Variants in CHRDL1 observed in about 807,000 individuals in gnomAD.
CHRDL1 encodes chordin like 1.
A neutral mutation model predicts 40.9 loss-of-function variants in CHRDL1; 19 were observed. The observed-to-expected ratio is 0.46, with a 90% CI of 0.32 to 0.68. The LOEUF (loss-of-function observed/expected upper bound fraction) is 0.68. Among genes scored for constraint, CHRDL1 ranks in the 30% least tolerant of loss-of-function variants. The pLI, the probability that CHRDL1 is intolerant of heterozygous loss-of-function variation, is 0.03. For synonymous variants in CHRDL1, 136 were observed against 123.4 expected (o/e 1.10, Z -0.68); for missense variants, 329 against 352.1 (o/e 0.93, Z 0.53).
At position 110,688,780 on chromosome X, in the gene CHRDL1, A is replaced by C; in HGVS notation, c.802T>G (p.Tyr268Asp). ...GQVCVSNGKT[Y>D]SHGESWHPNL... is the part of the protein sequence containing the mutation. ...GGGTGCCAGGACTCGCCATGAGAATAGGTCTTTCCATTGGAAACACACACT... is the reference window on the plus strand; with the variant it reads ...GGGTGCCAGGACTCGCCATGAGAATCGGTCTTTCCATTGGAAACACACACT... The change falls in exon 9 of 12, where the codon TAT becomes GAT. Residue 268 changes from tyrosine to aspartate, a missense_variant. Transcript: ENST00000372042. 1 of 1,206,922 alleles carries C rather than the reference A, an allele frequency of 8.3e-7. No homozygotes were observed. The highest frequency in any genetic ancestry group is 1.1e-6 in the Non-Finnish European group (1 of 892,058).
chrX:110,795,239 G>A (rs1219055425), intron 1 of CHRDL1, among the ~76,000 whole-genome samples: 1 of 111,475 alleles, frequency 9.0e-6, no homozygotes, highest in Non-Finnish European at 1.9e-5. Context: ...ATACCACGTT[G>A]CTTCCAGAGC....
At chrX:110,689,524 C>A (rs761154116) in intron 8 of CHRDL1, among the ~76,000 whole-genome samples, 2 of 22,832 alleles carry the variant, frequency 8.8e-5, no homozygotes, top group Admixed American at 4.8e-4. Flanking sequence ...CTCTATATAT[C>A]TATCTATATA....
At chrX:110,748,026 A>C (rs1039066093) in intron 4 of CHRDL1, among the ~76,000 whole-genome samples, 2 of 111,638 alleles carry the variant, frequency 1.8e-5, no homozygotes, top group South Asian at 3.8e-4. Context: ...TTTGTGCCTA[A>C]GTTTTTTATA....
At chrX:110,704,488 C>T (rs1213568672) in intron 6 of CHRDL1, among the ~76,000 whole-genome samples, 1 of 111,084 alleles carries the variant, frequency 9.0e-6, no homozygotes, top group Non-Finnish European at 1.9e-5. Context: ...CAGGAAGCTG[C>T]TATAGTAATA....
At chrX:110,690,348 ACATATATATATATTCT>A (rs2070249596) in intron 8 of CHRDL1, among the ~76,000 whole-genome samples, 2 of 108,166 alleles carry the variant, frequency 1.8e-5, no homozygotes, top group African/African-American at 6.8e-5. Flanking sequence ...GCGCCCAGCC[ACATATATATATATTCT>A]CATATATATA....
chrX:110,713,074 G>C (rs935506124), intron 6 of CHRDL1, among the ~76,000 whole-genome samples: 15 of 110,956 alleles, frequency 1.4e-4, no homozygotes, highest in African/African-American at 4.6e-4. Flanking sequence ...CCTCACCCTG[G>C]AGTGCAGAGA....
chrX:110,757,523 T>C (rs892033955), intron 4 of CHRDL1, among the ~76,000 whole-genome samples: 6 of 111,740 alleles, frequency 5.4e-5, no homozygotes, highest in Admixed American at 9.5e-5. Flanking sequence ...TATAATTTCA[T>C]ACCCAGCCAA....
intron 4 of CHRDL1, among the ~76,000 whole-genome samples, chrX:110,758,451 CA>C (rs2089498287): frequency 9.0e-6 from 1 of 111,216 alleles, no homozygotes; most frequent in African/African-American, 3.3e-5. Flanking sequence ...CACCTGTGTT[CA>C]TTAGGGTGTA....
chrX:110,717,955 T>C (rs1367052232), intron 6 of CHRDL1, among the ~76,000 whole-genome samples: 1 of 111,969 alleles, frequency 8.9e-6, no homozygotes, highest in Non-Finnish European at 1.9e-5. Context: ...GTAATTCCAA[T>C]ATGCACCCAT....
At chrX:110,703,405 T>C (rs1394290467) in intron 6 of CHRDL1, among the ~76,000 whole-genome samples, 1 of 112,367 alleles carries the variant, frequency 8.9e-6, no homozygotes, top group African/African-American at 3.2e-5. Flanking sequence ...GTAAAGATTG[T>C]AGACTGCAAG....
intron 4 of CHRDL1, among the ~76,000 whole-genome samples, chrX:110,749,015 A>G (rs1240272698): frequency 9.0e-6 from 1 of 111,653 alleles, no homozygotes; most frequent in Non-Finnish European, 1.9e-5. Flanking sequence ...CAAAAAAGAG[A>G]ATGAAAATAA....
rs775820865 is a variant in CHRDL1 at position 110,710,010 on chromosome X, C to G, written c.542-9289G>C. Among the ~76,000 whole-genome samples, 3 of 111,100 alleles carry G rather than the reference C, an allele frequency of 2.7e-5. No individual in the cohort carries two copies. The East Asian group carries it at 8.5e-4, about 31-fold the overall frequency. ...GAGACTCTGTCTTAAAAAAAAAAATCCAAGTATCCAAATAAAGTAGAGTTC... is the reference window on the plus strand; with the variant it reads ...GAGACTCTGTCTTAAAAAAAAAAATGCAAGTATCCAAATAAAGTAGAGTTC... On this transcript the variant is annotated intron_variant, in intron 6 of 11. Coordinates refer to ENST00000372042, the MANE Select transcript of CHRDL1 (RefSeq NM_001143981.2).
intron 7 of CHRDL1, among the ~76,000 whole-genome samples, chrX:110,697,813 TCCACACACACACACACACAC>T (rs1424484236): frequency 3.2e-5 from 1 of 31,146 alleles, no homozygotes; most frequent in African/African-American, 8.7e-5. Flanking sequence ...ACCACACCAC[TCCACACACACACACACACAC>T]ACACACACAC....
intron 2 of CHRDL1, among the ~76,000 whole-genome samples, chrX:110,768,274 A>G (rs1325258266): frequency 8.9e-6 from 1 of 112,323 alleles, no homozygotes; most frequent in Non-Finnish European, 1.9e-5. Flanking sequence ...TAAGTGTTGC[A>G]GACGAAAAGA....
intron 2 of CHRDL1, among the ~76,000 whole-genome samples, chrX:110,784,947 C>G (rs755935877): frequency 1.8e-5 from 2 of 111,738 alleles, no homozygotes; most frequent in African/African-American, 6.5e-5. Context: ...GGCTGCTAAG[C>G]TGATGAAACC....
At chrX:110,745,503 G>A (rs982973629) in intron 4 of CHRDL1, among the ~76,000 whole-genome samples, 2 of 111,011 alleles carry the variant, frequency 1.8e-5, no homozygotes, top group African/African-American at 6.6e-5. Flanking sequence ...GCCTCTGCAC[G>A]TGCCCTCCCC....
At chrX:110,758,629 TGG>T (rs1175674152) in intron 4 of CHRDL1, among the ~76,000 whole-genome samples, 1 of 111,602 alleles carries the variant, frequency 9.0e-6, no homozygotes, top group African/African-American at 3.3e-5. Flanking sequence ...TGGATACATT[TGG>T]TTTCTCTCTT....
At chrX:110,708,925 C>T (rs2070696898) in intron 6 of CHRDL1, among the ~76,000 whole-genome samples, 1 of 111,536 alleles carries the variant, frequency 9.0e-6, no homozygotes, top group African/African-American at 3.3e-5. Flanking sequence ...CAGTCTGTTC[C>T]TCCCGGTAGC....
At chrX:110,724,258 C>T (rs1158731367) in intron 4 of CHRDL1, among the ~76,000 whole-genome samples, 2 of 112,094 alleles carry the variant, frequency 1.8e-5, no homozygotes, top group African/African-American at 3.2e-5. Flanking sequence ...ATTTTTGAAC[C>T]GGGCCTTCTA....
Sources: allele counts gnomAD v4.1 joint callset (sites outside exome capture counted in the v4.1 genomes callset), GRCh38; gene constraint gnomAD v4.1.1; transcripts MANE v1.5; gene names NCBI Gene and HGNC (gene_info 2026-07-23, HGNC 2026-07-21).